The following TMTC1 variants were observed in gnomAD, a reference collection of about 807,000 sequenced individuals.
The protein encoded by TMTC1 is transmembrane O-mannosyltransferase targeting cadherins 1, also known as protein O-mannosyl-transferase TMTC1.
TMTC1 carries 73 observed loss-of-function variants against 104.8 expected under a neutral mutation model. The ratio of observed to expected loss-of-function variants is 0.70; its 90% CI spans 0.58 to 0.85. TMTC1 has a LOEUF of 0.85. TMTC1 is among the 40% of genes least tolerant of loss of function. The probability of loss-of-function intolerance (pLI) is 0.00; values close to 1 mark genes in which losing one functional copy is unlikely to be tolerated. For synonymous variants in TMTC1, 434 were observed against 428.7 expected, an observed-to-expected ratio of 1.01 and a Z score of -0.15; for missense variants, 1,035 against 1,096.1, an observed-to-expected ratio of 0.94 and a Z score of 0.79.
intron 5 of TMTC1, among the ~76,000 whole-genome samples, chr12:29,712,766 C>A (rs187895635): frequency 9.8e-4 from 149 of 152,268 alleles, no homozygotes; most frequent in African/African-American, 3.3e-3. Context: ...ATCTTAACAG[C>A]TTTCCAGATA....
intron 7 of TMTC1, among the ~76,000 whole-genome samples, chr12:29,593,825 G>T (rs756680720): frequency 9.2e-5 from 14 of 152,198 alleles, no homozygotes; most frequent in African/African-American, 3.4e-4. Context: ...AGTTCAAGCA[G>T]GTTCTTTTTA....
intron 11 of TMTC1, among the ~76,000 whole-genome samples, chr12:29,522,567 TGTGTG>T (rs1258252211): frequency 3.3e-5 from 5 of 150,914 alleles, no homozygotes; most frequent in Non-Finnish European, 7.4e-5. Flanking sequence ...TGTGTGTGTG[TGTGTG>T]TGTGTGTGTG....
At chr12:29,512,195 A>C in intron 16 of TMTC1, 75 bp from the exon 17 acceptor site, 1 of 1,249,052 alleles carries the variant, frequency 8.0e-7, no homozygotes, top group South Asian at 1.4e-5. Context: ...CACTTTCTTC[A>C]CGTGTGAAAA....
intron 2 of TMTC1, among the ~76,000 whole-genome samples, chr12:29,766,015 T>G (rs778850681): frequency 2.6e-5 from 4 of 152,170 alleles, no homozygotes; most frequent in Non-Finnish European, 5.9e-5. Flanking sequence ...GAGTTACCTG[T>G]CATTACAGTC....
rs1413227165 is a variant in TMTC1, at chr12:29,690,118, T to A, written c.939-56782A>T. ...CCTGCTATAATATAATTTGCAAAAG[T>A]AACTACATCACACAAAAAAACTGAC... On this transcript the variant is annotated intron_variant, in intron 5 of 17. Coordinates refer to ENST00000539277, the MANE Select transcript of TMTC1 (RefSeq NM_001193451.2). Among the ~76,000 whole-genome samples, 3 of 152,174 alleles carry A rather than the reference T, an allele frequency of 2.0e-5. No individual in the cohort carries two copies. The East Asian group carries it at 5.8e-4, about 29-fold the overall frequency.
At chr12:29,651,429 C>T (rs1443812343) in intron 5 of TMTC1, among the ~76,000 whole-genome samples, 1 of 152,150 alleles carries the variant, frequency 6.6e-6, no homozygotes, top group Non-Finnish European at 1.5e-5. Flanking sequence ...GTGATAGGGA[C>T]AAACATGGAG....
intron 5 of TMTC1, among the ~76,000 whole-genome samples, chr12:29,694,886 G>A (rs1720799983): frequency 6.6e-6 from 1 of 152,156 alleles, no homozygotes; most frequent in South Asian, 2.1e-4. Flanking sequence ...GTTGCAGTGA[G>A]CCTTGCCATT....
At position 29,520,641 on chromosome 12, in the gene TMTC1, T is replaced by C. The variant is rs750998855; in HGVS notation, c.1865A>G (p.Tyr622Cys). The change falls in exon 12 of 18, where the codon TAT (tyrosine) becomes TGT (cysteine). Residue 622 changes from tyrosine (Y) to cysteine (C), a missense_variant. Physicochemically the swap from Tyr to Cys is radical, Grantham distance 194 (BLOSUM62 -2). Coordinates refer to ENST00000539277, the MANE Select transcript of TMTC1 (RefSeq NM_001193451.2). The stretch of plus-strand genomic sequence containing the variant: ...ACCAGTATCAACTAAGAAAACCCCA[T>C]AGTTGTTGTGTAAATCTGAGCTGTC... ...CPDSSDLHNN[Y>C]GVFLVDTGLP... The C allele has an allele frequency of 3.1e-6, 5 of 1,613,542 alleles. No homozygotes were observed. The highest frequency in any genetic ancestry group is 3.3e-5 in the Admixed American group (2 of 59,910).
chr12:29,774,784 C>A (rs1222871926), intron 1 of TMTC1, among the ~76,000 whole-genome samples: 3 of 152,152 alleles, frequency 2.0e-5, no homozygotes, highest in Non-Finnish European at 2.9e-5. Flanking sequence ...CCCTTCAGTA[C>A]CAGGAATAAA....
intron 5 of TMTC1, among the ~76,000 whole-genome samples, chr12:29,673,715 G>T (rs1940605735): frequency 7.0e-6 from 1 of 142,104 alleles, no homozygotes; most frequent in Non-Finnish European, 1.5e-5. Context: ...TTATCTCTGT[G>T]TAAGATGCTA....
intron 6 of TMTC1, among the ~76,000 whole-genome samples, chr12:29,616,686 A>C (rs900265314): frequency 2.0e-5 from 3 of 151,932 alleles, no homozygotes; most frequent in East Asian, 1.9e-4. Flanking sequence ...AAAAAAAAAA[A>C]AAAACATTTT....
intron 7 of TMTC1, among the ~76,000 whole-genome samples, chr12:29,601,722 A>G (rs1444432761): frequency 6.6e-6 from 1 of 152,150 alleles, no homozygotes; most frequent in Non-Finnish European, 1.5e-5. Context: ...TTATTTTTGT[A>G]AAATAGCAAT....
intron 5 of TMTC1, among the ~76,000 whole-genome samples, chr12:29,651,241 AAGAC>A (rs1939504790): frequency 6.6e-6 from 1 of 152,234 alleles, no homozygotes; most frequent in African/African-American, 2.4e-5. Flanking sequence ...TATATTTTAA[AAGAC>A]AGCCATATCA....
intron 5 of TMTC1, among the ~76,000 whole-genome samples, chr12:29,675,803 G>A (rs900211543): frequency 6.6e-6 from 1 of 152,096 alleles, no homozygotes; most frequent in Non-Finnish European, 1.5e-5. Context: ...TAACTTGGAT[G>A]AGCCAATATA....
chr12:29,767,775 T>C, intron 2 of TMTC1, 123 bp downstream of exon 2: 1 of 893,016 alleles, frequency 1.1e-6, no homozygotes, highest in Non-Finnish European at 1.6e-6. Flanking sequence ...TATATCTATA[T>C]ACACACACAT....
intron 5 of TMTC1, among the ~76,000 whole-genome samples, chr12:29,645,956 C>T (rs969838704): frequency 6.6e-6 from 1 of 152,160 alleles, no homozygotes. Context: ...AGAAAATTGC[C>T]TAAAAGAGGC....
intron 6 of TMTC1, among the ~76,000 whole-genome samples, chr12:29,622,822 C>T (rs1000116695): frequency 1.3e-5 from 2 of 152,242 alleles, no homozygotes; most frequent in African/African-American, 2.4e-5. Flanking sequence ...AGGCACAGAA[C>T]GAGATAAATT....
In TMTC1 at chr12:29,517,536, G is replaced by A. The variant is rs765983072; in HGVS notation, c.2060C>T (p.Ser687Leu). ...GTTGTAATACAGTGCTCCCAAAGGT[G>A]ACAATATCTCAGCTTTGTGTGCCAC... Reference protein sequence around the residue: ...LQVAHKAEILSPLGALYYNTG... With the variant: ...LQVAHKAEILLPLGALYYNTG... Residue 687 changes from serine to leucine, a missense_variant, in exon 14 of 18, where the codon TCA (serine) becomes TTA (leucine). By Grantham distance (145) the Ser-to-Leu change is moderately radical. Coordinates refer to ENST00000539277, the MANE Select transcript of TMTC1 (RefSeq NM_001193451.2). The A allele has an allele frequency of 1.2e-6, 2 of 1,614,148 alleles. No homozygotes were observed. The highest frequency in any genetic ancestry group is 1.1e-5 in the South Asian group (1 of 91,070).
At chr12:29,696,814 G>A (rs1421704344) in intron 5 of TMTC1, among the ~76,000 whole-genome samples, 2 of 152,052 alleles carry the variant, frequency 1.3e-5, no homozygotes, top group Non-Finnish European at 2.9e-5. Flanking sequence ...TACTTATTCT[G>A]AAATTTATAA....
Sources: allele counts gnomAD v4.1 joint callset (sites outside exome capture counted in the v4.1 genomes callset), GRCh38; gene constraint gnomAD v4.1.1; transcripts MANE v1.5; gene names NCBI Gene and HGNC (gene_info 2026-07-23, HGNC 2026-07-21).